CNTNAP3B: variants seen among roughly 807,000 people sequenced by gnomAD.
The protein encoded by CNTNAP3B is contactin associated protein family member 3B, also known as contactin-associated protein-like 3B.
CNTNAP3B carries 25 observed loss-of-function variants against 108.9 expected under a neutral mutation model. That is an observed-to-expected ratio of 0.23 (90% confidence interval 0.17 to 0.32). CNTNAP3B has a LOEUF of 0.32. Ranked by LOEUF, CNTNAP3B falls within the 10% of genes least tolerant of loss-of-function variation. The pLI, the probability that CNTNAP3B is intolerant of heterozygous loss-of-function variation, is 1.00. For synonymous variants in CNTNAP3B, 103 were observed against 473.4 expected (o/e 0.22, Z 10.16); for missense variants, 252 against 1,210.4 (o/e 0.21, Z 11.75).
In CNTNAP3B at chr9:42,057,366, A is replaced by ACAC. The variant is rs1827094613; in HGVS notation, c.390+19502_390+19503insGTG. 4.8e-5 allele frequency among the ~76,000 whole-genome samples: 4 copies of ACAC among 84,064 alleles called. 1 individual carries two copies. The highest frequency in any genetic ancestry group is 1.8e-4 in the African/African-American group (4 of 21,676). 55.1% of individuals were successfully genotyped at this position (84,064 alleles called of 152,430 possible). On this transcript the variant is annotated intron_variant, in intron 3 of 23. Coordinates refer to ENST00000377561, the MANE Select transcript of CNTNAP3B (RefSeq NM_001201380.3). ...ATTACAGGAGCACGCCACCACACCC[A>ACAC]GCTAATTTCTGTATTTTTAGTAGAG...
intron 10 of CNTNAP3B, among the ~76,000 whole-genome samples, chr9:41,965,206 C>A (rs1289763145): frequency 2.6e-5 from 4 of 152,302 alleles, no homozygotes; most frequent in Admixed American, 6.5e-5. Flanking sequence ...AAGCAATCCA[C>A]AAATTCAATA....
At chr9:41,963,902 C>T (rs529155572) in intron 11 of CNTNAP3B, among the ~76,000 whole-genome samples, 7 of 152,424 alleles carry the variant, frequency 4.6e-5, no homozygotes, top group African/African-American at 1.7e-4. Context: ...ATATGCAAAG[C>T]AATAGCAGAG....
chr9:41,948,235 G>A (rs1377349177), intron 13 of CNTNAP3B, among the ~76,000 whole-genome samples: 1 of 144,842 alleles, frequency 6.9e-6, no homozygotes, highest in Non-Finnish European at 1.5e-5. Flanking sequence ...GGGATTATAG[G>A]TGTGTGCCAC....
intron 3 of CNTNAP3B, among the ~76,000 whole-genome samples, chr9:42,076,355 G>A (rs1245260648): frequency 1.5e-5 from 2 of 132,684 alleles, no homozygotes; most frequent in African/African-American, 3.1e-5. Flanking sequence ...GAACCTGGGA[G>A]GCAGAGGCTG....
At chr9:41,948,346 C>G (rs1824587642) in intron 13 of CNTNAP3B, among the ~76,000 whole-genome samples, 1 of 152,188 alleles carries the variant, frequency 6.6e-6, no homozygotes, top group South Asian at 2.1e-4. Context: ...TCTGCCTCAG[C>G]CTCCCAAAGT....
chr9:42,084,259 G>A (rs879926298), intron 2 of CNTNAP3B, among the ~76,000 whole-genome samples: 1 of 116,350 alleles, frequency 8.6e-6, no homozygotes, highest in African/African-American at 3.6e-5. Flanking sequence ...TATCACTTGA[G>A]CAGGCAAAGA....
At chr9:42,030,846 G>GAGA (rs1826512639) in intron 3 of CNTNAP3B, among the ~76,000 whole-genome samples, 1 of 125,750 alleles carries the variant, frequency 8.0e-6, no homozygotes, top group East Asian at 2.4e-4. Flanking sequence ...GAGAGAGAGA[G>GAGA]ATGTGTGCTA....
chr9:42,056,429 C>A lies in CNTNAP3B; in HGVS notation c.390+20440G>T, dbSNP rs1417531783. ...GCAGTGGCGCAATCTTGGCTCACTGCAAGCTCCACCTCCCGGGTTCACAGC... is the reference window on the plus strand; with the variant it reads ...GCAGTGGCGCAATCTTGGCTCACTGAAAGCTCCACCTCCCGGGTTCACAGC... On this transcript the variant is annotated intron_variant, in intron 3 of 23. Transcript: ENST00000377561. Among the ~76,000 whole-genome samples the A allele has an allele frequency of 2.9e-5, 4 of 138,846 alleles. 1 individual carries two copies. The highest frequency in any genetic ancestry group is 1.1e-4 in the African/African-American group (4 of 35,694). The allele number at this position is 138,846 out of a possible 152,430, so 91.1% of individuals were successfully genotyped here. A position where few individuals can be genotyped will look rare whatever the true frequency, so the allele number is the denominator to read the frequency against.
At chr9:41,955,562 C>T (rs1382309024) in intron 12 of CNTNAP3B, among the ~76,000 whole-genome samples, 2 of 152,196 alleles carry the variant, frequency 1.3e-5, no homozygotes, top group African/African-American at 4.8e-5. Context: ...ATAGGGTCTC[C>T]CTCTGTTGCC....
chr9:42,030,907 A>T (rs1826513740), intron 3 of CNTNAP3B, among the ~76,000 whole-genome samples: 1 of 111,850 alleles, frequency 8.9e-6, no homozygotes, highest in Non-Finnish European at 1.8e-5. Context: ...TAGGGTTCTC[A>T]GCCTCTTTCA....
intron 13 of CNTNAP3B, among the ~76,000 whole-genome samples, chr9:41,945,540 C>A (rs1444322560): frequency 6.6e-6 from 1 of 151,922 alleles, no homozygotes; most frequent in Non-Finnish European, 1.5e-5. Context: ...ACTGCATGTT[C>A]TCACTCATAG....
intron 2 of CNTNAP3B, among the ~76,000 whole-genome samples, chr9:42,096,186 C>G (rs1319335093): frequency 1.4e-5 from 2 of 139,194 alleles, no homozygotes; most frequent in Non-Finnish European, 3.1e-5. Context: ...TGGCGTTCTC[C>G]TTTCCACTAC....
At chr9:42,080,121 G>T (rs1429184576) in intron 2 of CNTNAP3B, among the ~76,000 whole-genome samples, 1 of 133,824 alleles carries the variant, frequency 7.5e-6, no homozygotes, top group Admixed American at 7.5e-5. Context: ...GAGTTGACAC[G>T]GTTCTGGTGT....
chr9:42,026,824 T>G (rs1826420013), intron 3 of CNTNAP3B, among the ~76,000 whole-genome samples: 1 of 136,900 alleles, frequency 7.3e-6, no homozygotes, highest in Non-Finnish European at 1.6e-5. Flanking sequence ...GTAGTAAGGT[T>G]TTGAAATTTT....
intron 18 of CNTNAP3B, among the ~76,000 whole-genome samples, chr9:41,915,874 T>C (rs1554734833): frequency 7.9e-3 from 1,072 of 135,436 alleles, no homozygotes; most frequent in South Asian, 9.9e-3. Flanking sequence ...ATATACTTCA[T>C]GACAATGTTT....
At chr9:41,933,192 G>A (rs1427850638) in intron 14 of CNTNAP3B, among the ~76,000 whole-genome samples, 5 of 152,338 alleles carry the variant, frequency 3.3e-5, no homozygotes, top group South Asian at 2.1e-4. Context: ...CAACAGCAGC[G>A]TTACTGATAT....
rs1177271453 is a variant in CNTNAP3B, at chr9:42,094,268, G to T, written c.196+10361C>A. 2.9e-5 allele frequency among the ~76,000 whole-genome samples: 4 copies of T among 138,112 alleles called. 2 individuals are homozygous for T. The highest frequency in any genetic ancestry group is 6.2e-5 in the Non-Finnish European group (4 of 64,644). 90.6% of individuals were successfully genotyped at this position (138,112 alleles called of 152,430 possible). On this transcript the variant is annotated intron_variant, in intron 2 of 23. Transcript: ENST00000377561. Reference sequence around the variant, plus strand: ...CTTAGTAAAAATCTAGATTAGGTCTGGCAGCCAAAATCTAGGTTATGACCT... The same window carrying T: ...CTTAGTAAAAATCTAGATTAGGTCTTGCAGCCAAAATCTAGGTTATGACCT...
At chr9:41,968,283 G>A (rs1825342059) in intron 10 of CNTNAP3B, among the ~76,000 whole-genome samples, 1 of 143,888 alleles carries the variant, frequency 6.9e-6, no homozygotes, top group South Asian at 2.2e-4. Context: ...TCACAGTGTG[G>A]GCCCATGGGA....
chr9:42,047,269 C>T lies in CNTNAP3B; in HGVS notation c.390+29600G>A, dbSNP rs924363763. 1.4e-3 allele frequency among the ~76,000 whole-genome samples: 152 copies of T among 109,160 alleles called. 14 individuals are homozygous for T. Among genetic ancestry groups the T allele is most frequent in the African/African-American group, 5.9e-3 (149 of 25,314 alleles). The allele number at this position is 109,160 out of a possible 152,430, so 71.6% of individuals were successfully genotyped here. On this transcript the variant is annotated intron_variant, in intron 3 of 23. Coordinates refer to ENST00000377561, the MANE Select transcript of CNTNAP3B (RefSeq NM_001201380.3). ...TTTATAAAGGACAATCAGACTTCTCCGTATTATTTGGCATCGCTGCAGGGT... is the reference window on the plus strand; with the variant it reads ...TTTATAAAGGACAATCAGACTTCTCTGTATTATTTGGCATCGCTGCAGGGT...
Sources: gnomAD v4.1 joint callset for allele counts (sites outside exome capture counted in the v4.1 genomes callset) on GRCh38, gnomAD v4.1.1 for gene constraint, MANE v1.5 for transcripts, NCBI Gene and HGNC (gene_info 2026-07-23, HGNC 2026-07-21) for gene names.